The following RNF4 variants were observed in gnomAD, a reference collection of about 807,000 sequenced individuals.
RNF4 encodes the protein E3 ubiquitin-protein ligase RNF4.
Under a neutral mutation model 24.3 loss-of-function variants are expected in RNF4, and 7 were observed. The ratio of observed to expected loss-of-function variants is 0.29; its 90% CI spans 0.16 to 0.54. The LOEUF is 0.54. Ranked by LOEUF, RNF4 falls within the 20% of genes least tolerant of loss-of-function variation. RNF4 has a pLI of 0.95. For synonymous variants in RNF4, 83 were observed against 84.3 expected, an observed-to-expected ratio of 0.98 and a Z score of 0.09; for missense variants, 209 against 248.5, an observed-to-expected ratio of 0.84 and a Z score of 1.07.
intron 1 of RNF4, chr4:2,471,226 C>T (rs992644233): frequency 3.3e-5 from 5 of 152,244 alleles, no homozygotes; most frequent in Admixed American, 2.6e-4. Flanking sequence ...CTCGGCCTCC[C>T]AAAGTGCTGG....
chr4:2,473,483 G>A (rs1223381812), intron 1 of RNF4, among the ~76,000 whole-genome samples: 2 of 151,996 alleles, frequency 1.3e-5, no homozygotes, highest in Non-Finnish European at 2.9e-5. Context: ...AAAAGTAACT[G>A]TAGATGTGGT....
At chr4:2,486,343 C>T (rs999863457) in intron 1 of RNF4, among the ~76,000 whole-genome samples, 1 of 152,158 alleles carries the variant, frequency 6.6e-6, no homozygotes, top group Non-Finnish European at 1.5e-5. Context: ...CCCATGACCG[C>T]TAAGGTCTCC....
chr4:2,509,769 C>T (rs138425046), intron 4 of RNF4, among the ~76,000 whole-genome samples: 1 of 152,278 alleles, frequency 6.6e-6, no homozygotes, highest in African/African-American at 2.4e-5. Context: ...ACTCAGTACG[C>T]GCACTGTCAT....
intron 1 of RNF4, among the ~76,000 whole-genome samples, chr4:2,482,309 G>GT (rs974770934): frequency 3.3e-5 from 5 of 152,136 alleles, no homozygotes; most frequent in African/African-American, 1.2e-4. Flanking sequence ...TCTGAATACA[G>GT]TAGAGGCAGC....
intron 4 of RNF4, among the ~76,000 whole-genome samples, chr4:2,506,642 A>T (rs555029395): frequency 7.5e-4 from 113 of 150,938 alleles, no homozygotes; most frequent in Middle Eastern, 3.4e-3. Flanking sequence ...ATCACGGCTC[A>T]CTGCAGCCTG....
Position 2,500,030 on chromosome 4 carries a change from C to T in RNF4, c.125-629C>T, listed in dbSNP as rs557271802. Reference sequence around the variant, plus strand: ...AAAATTAGCCAGGCATGCTGCCAGGCGCCTGTAATCCCAACTACTCGGGAG... The same window carrying T: ...AAAATTAGCCAGGCATGCTGCCAGGTGCCTGTAATCCCAACTACTCGGGAG... On this transcript the variant is annotated intron_variant, in intron 3 of 7. Transcript: ENST00000314289. Among the ~76,000 whole-genome samples, 7 of 152,108 alleles carry T rather than the reference C, an allele frequency of 4.6e-5. No homozygotes were observed. The South Asian group carries it at 8.3e-4, about 18-fold the overall frequency.
At chr4:2,495,621 G>T (rs1214595243) in intron 2 of RNF4, among the ~76,000 whole-genome samples, 1 of 137,398 alleles carries the variant, frequency 7.3e-6, no homozygotes, top group African/African-American at 2.7e-5. Flanking sequence ...AGGCTCTGTT[G>T]GGAAGCTCTT....
intron 4 of RNF4, 109 bp downstream of exon 4, chr4:2,500,847 C>A: frequency 1.0e-6 from 1 of 956,980 alleles, no homozygotes; most frequent in Non-Finnish European, 1.6e-6. Context: ...ACAGCTTATG[C>A]TAAAGAAGTT....
chr4:2,512,299 A>G lies in RNF4; in HGVS notation c.215-139A>G. On this transcript the variant is annotated intron_variant, in intron 5 of 7. Transcript: ENST00000314289. The surrounding 1 kb of genome is among the most constrained non-coding windows in gnomAD (Gnocchi z 4.1). ...AGAGCTGGGCAGAACCTTCTGGGTT[A>G]TAGCTGAGCATGGCAGCAGTTTGTC... The G allele has an allele frequency of 9.7e-7, 1 of 1,033,866 alleles. No individual in the cohort carries two copies. Among genetic ancestry groups the G allele is most frequent in the Non-Finnish European group, 1.5e-6 (1 of 686,984 alleles). The allele number at this position is 1,033,866 out of a possible 1,614,324, so 64.0% of individuals were successfully genotyped here.
intron 1 of RNF4, among the ~76,000 whole-genome samples, chr4:2,485,544 G>T (rs1735380727): frequency 6.6e-6 from 1 of 152,068 alleles, no homozygotes; most frequent in Non-Finnish European, 1.5e-5. Flanking sequence ...CCCTCATTGG[G>T]TTTTATGGCC....
At chr4:2,497,784 G>A (rs972416479) in intron 3 of RNF4, among the ~76,000 whole-genome samples, 48 of 151,606 alleles carry the variant, frequency 3.2e-4, no homozygotes, top group African/African-American at 8.9e-4. Flanking sequence ...ATAGGCACCC[G>A]CCACCACACC....
At position 2,512,738 on chromosome 4, in the gene RNF4, A is replaced by T; in HGVS notation, c.374+141A>T. ...TACCCAGCATCTGGATACAGTTGGA[A>T]CTGGGTCCAGAACTGAGTCCAGCTA... is the stretch of plus-strand genomic sequence containing the variant. On this transcript the variant is annotated intron_variant, in intron 6 of 7. Coordinates refer to ENST00000314289, the MANE Select transcript of RNF4 (RefSeq NM_002938.5). The surrounding 1 kb of genome is among the most constrained non-coding windows in gnomAD (Gnocchi z 4.1). The T allele has an allele frequency of 1.0e-6, 1 of 990,618 alleles. No homozygotes were observed. The highest frequency in any genetic ancestry group is 2.6e-5 in the East Asian group (1 of 38,406). 61.4% of individuals were successfully genotyped at this position (990,618 alleles called of 1,614,324 possible).
rs114926392 is a variant in RNF4 at position 2,501,766 on chromosome 4, C to T, written c.204+1028C>T. 7.5e-3 allele frequency among the ~76,000 whole-genome samples: 1,140 copies of T among 152,202 alleles called. 18 individuals carry two copies. The highest frequency in any genetic ancestry group is 0.026 in the African/African-American group (1,080 of 41,540). ...TGGGGGCTGCTAGTAGCTGAGTCTT[C>T]GCCTTGGCCCTGGGCTCACTGGTGT... On this transcript the variant is annotated intron_variant, in intron 4 of 7. Transcript: ENST00000314289.
intron 4 of RNF4, 68 bp downstream of exon 4, chr4:2,500,806 C>G: frequency 1.4e-6 from 2 of 1,453,258 alleles, no homozygotes; most frequent in Non-Finnish European, 1.9e-6. Flanking sequence ...CAGCATCTGA[C>G]AGCCTTGGTC....
chr4:2,472,217 C>G (rs921695999), intron 1 of RNF4, among the ~76,000 whole-genome samples: 2 of 152,130 alleles, frequency 1.3e-5, no homozygotes, highest in African/African-American at 4.8e-5. Flanking sequence ...GTGTGCTGAT[C>G]ATTGAAACAG....
intron 4 of RNF4, among the ~76,000 whole-genome samples, chr4:2,509,990 C>G (rs900188442): frequency 2.0e-5 from 3 of 152,216 alleles, no homozygotes; most frequent in Non-Finnish European, 4.4e-5. Context: ...TTCATGCGGA[C>G]AGTACATTGT....
chr4:2,480,575 TC>T (rs1735216961), intron 1 of RNF4: 1 of 151,556 alleles, frequency 6.6e-6, no homozygotes, highest in African/African-American at 2.4e-5. Flanking sequence ...CTTGATAATT[TC>T]AGTGAGGAAA....
chr4:2,488,393 G>A (rs2108759562), intron 1 of RNF4, among the ~76,000 whole-genome samples: 1 of 152,302 alleles, frequency 6.6e-6, no homozygotes, highest in Non-Finnish European at 1.5e-5. Flanking sequence ...AACCTGGGAG[G>A]TGGAGGTTGC....
At chr4:2,507,398 C>T (rs999453573) in intron 4 of RNF4, among the ~76,000 whole-genome samples, 1 of 152,152 alleles carries the variant, frequency 6.6e-6, no homozygotes, top group Non-Finnish European at 1.5e-5. Context: ...TGTGATTGTC[C>T]GCACCAGTCT....
Sources: gnomAD v4.1 joint callset for allele counts (sites outside exome capture counted in the v4.1 genomes callset) on GRCh38, gnomAD v4.1.1 for gene constraint, Gnocchi (gnomAD v3.1) non-coding constraint, MANE v1.5 for transcripts, NCBI Gene and HGNC (gene_info 2026-07-23, HGNC 2026-07-21) for gene names.